The following SLIT3 variants were observed in gnomAD, a reference collection of about 807,000 sequenced individuals.
SLIT3 encodes slit homolog 3 protein.
In SLIT3, 68 loss-of-function variants were observed where a neutral mutation model predicts 184.0. The observed-to-expected ratio is 0.37, with a 90% CI of 0.30 to 0.45. SLIT3 has a LOEUF of 0.45. Ranked by LOEUF, SLIT3 falls within the 20% of genes least tolerant of loss-of-function variation. SLIT3 has a pLI of 1.00. For missense variants in SLIT3, 1,707 were observed against 2,026.0 expected, an observed-to-expected ratio of 0.84 and a Z score of 3.02; for synonymous variants, 831 against 828.6, an observed-to-expected ratio of 1.00 and a Z score of -0.05.
intron 4 of SLIT3, among the ~76,000 whole-genome samples, chr5:168,957,514 C>G (rs1762866357): frequency 6.6e-6 from 1 of 152,166 alleles, no homozygotes; most frequent in Non-Finnish European, 1.5e-5. Flanking sequence ...TATAGGAGGT[C>G]TGGGGTGAGG....
chr5:168,745,481 G>T (rs2113444320), intron 20 of SLIT3, among the ~76,000 whole-genome samples: 1 of 151,096 alleles, frequency 6.6e-6, no homozygotes, highest in Non-Finnish European at 1.5e-5. Context: ...GCACGATCTT[G>T]GCTCACTGCA....
At chr5:168,875,855 C>T (rs540119298) in intron 5 of SLIT3, among the ~76,000 whole-genome samples, 27 of 152,070 alleles carry the variant, frequency 1.8e-4, no homozygotes, top group Non-Finnish European at 3.4e-4. Context: ...CTTTAGATAG[C>T]ATTTTTAGGT....
At chr5:168,836,935 T>G (rs749998165) in intron 6 of SLIT3, among the ~76,000 whole-genome samples, 25 of 152,062 alleles carry the variant, frequency 1.6e-4, no homozygotes, top group Non-Finnish European at 3.2e-4. Context: ...AAGGTGAAAG[T>G]GCTACTTACT....
intron 4 of SLIT3, among the ~76,000 whole-genome samples, chr5:169,016,941 C>T (rs1311772367): frequency 6.6e-6 from 1 of 152,104 alleles, no homozygotes; most frequent in Non-Finnish European, 1.5e-5. Context: ...ACAGACTGAT[C>T]CCAGGTCACA....
At chr5:168,923,516 CTT>C (rs35732966) in intron 4 of SLIT3, among the ~76,000 whole-genome samples, 13,917 of 134,036 alleles carry the variant, frequency 0.1, 579 homozygotes, top group Non-Finnish European at 0.12. Flanking sequence ...TCCTAAATAT[CTT>C]TTTTTTTTTT....
At position 169,176,817 on chromosome 5, in the gene SLIT3, G is replaced by A. The variant is rs891948499; in HGVS notation, c.413+16662C>T. ...TGGCTCACAGGCTGTAGTCTGCCCA[G>A]GCTTGGGTTTGGAGCTGGTGAAGAA... On this transcript the variant is annotated intron_variant, in intron 4 of 35. Coordinates refer to ENST00000519560, the MANE Select transcript of SLIT3 (RefSeq NM_003062.4). Among the ~76,000 whole-genome samples the A allele has an allele frequency of 2.0e-5, 3 of 152,176 alleles. No homozygotes were observed. In the East Asian group the frequency reaches 5.8e-4, roughly 29 times the overall value.
chr5:168,972,948 T>G lies in SLIT3; in HGVS notation c.414-89612A>C, dbSNP rs548897493. Among the ~76,000 whole-genome samples, 26 of 152,316 alleles carry G rather than the reference T, an allele frequency of 1.7e-4. No individual in the cohort carries two copies. In the South Asian group the frequency reaches 3.1e-3, roughly 18 times the overall value. Reference sequence around the variant, plus strand: ...CATGGATTCTTTTCCTCTTTAGGTGTAAGTTCCTGGTAAAAGCAGAGATGA... The same window carrying G: ...CATGGATTCTTTTCCTCTTTAGGTGGAAGTTCCTGGTAAAAGCAGAGATGA... On this transcript the variant is annotated intron_variant, in intron 4 of 35. Coordinates refer to ENST00000519560, the MANE Select transcript of SLIT3 (RefSeq NM_003062.4).
intron 4 of SLIT3, among the ~76,000 whole-genome samples, chr5:169,124,818 G>C (rs1316447618): frequency 6.6e-6 from 1 of 151,444 alleles, no homozygotes; most frequent in South Asian, 2.1e-4. Context: ...GTATTGTGCT[G>C]TACCTTCTAC....
chr5:169,123,982 A>G (rs1446645202), intron 4 of SLIT3, among the ~76,000 whole-genome samples: 1 of 152,152 alleles, frequency 6.6e-6, no homozygotes, highest in Non-Finnish European at 1.5e-5. Context: ...CACCACAACC[A>G]TGCTCCTGCT....
rs896310229 is a variant in SLIT3 at position 168,662,939 on chromosome 5, G to A, written c.*3515C>T. 6.6e-6 allele frequency: 1 copy of A among 152,226 alleles called. No individual in the cohort carries two copies. The highest frequency in any genetic ancestry group is 2.4e-5 in the African/African-American group (1 of 41,452). 9.4% of individuals were successfully genotyped at this position (152,226 alleles called of 1,614,324 possible). The stretch of plus-strand genomic sequence containing the variant: ...TCATTTGTTAGAGGAGCCTCATTTC[G>A]GGGAGAATTTTCTTAATGGTCCTTG... On this transcript the variant is annotated 3_prime_UTR_variant, in exon 36 of 36. Transcript: ENST00000519560.
intron 4 of SLIT3, among the ~76,000 whole-genome samples, chr5:169,110,118 G>T (rs1184102855): frequency 6.6e-6 from 1 of 152,134 alleles, no homozygotes; most frequent in Non-Finnish European, 1.5e-5. Flanking sequence ...AAAGTGCTGG[G>T]ATTACAGGTG....
chr5:169,173,087 C>A lies in SLIT3; in HGVS notation c.413+20392G>T, dbSNP rs532991587. On this transcript the variant is annotated intron_variant, in intron 4 of 35. Transcript: ENST00000519560. ...GACCAGGCTGACTAACATGATGAAACCCCGTCTCTACTAAAAATACAAAAT... is the reference window on the plus strand; with the variant it reads ...GACCAGGCTGACTAACATGATGAAAACCCGTCTCTACTAAAAATACAAAAT... Among the ~76,000 whole-genome samples the A allele has an allele frequency of 2.0e-5, 3 of 152,234 alleles. No homozygotes were observed. The East Asian group carries it at 5.8e-4, about 29-fold the overall frequency.
intron 4 of SLIT3, among the ~76,000 whole-genome samples, chr5:169,041,518 A>G (rs1333630097): frequency 6.6e-6 from 1 of 152,188 alleles, no homozygotes; most frequent in Non-Finnish European, 1.5e-5. Flanking sequence ...TGTCCATTAC[A>G]TTTACAGCGC....
chr5:169,072,819 G>C (rs1758602370), intron 4 of SLIT3, among the ~76,000 whole-genome samples: 1 of 152,132 alleles, frequency 6.6e-6, no homozygotes, highest in African/African-American at 2.4e-5. Flanking sequence ...AGCTCTTCCT[G>C]CCACCTTTAG....
intron 4 of SLIT3, among the ~76,000 whole-genome samples, chr5:169,115,468 C>A (rs1239950116): frequency 3.9e-5 from 6 of 152,040 alleles, no homozygotes; most frequent in East Asian, 3.9e-4. Context: ...TTATGATAAC[C>A]CTGGGCAGTA....
chr5:169,049,561 C>T lies in SLIT3; in HGVS notation c.413+143918G>A, dbSNP rs554372248. Among the ~76,000 whole-genome samples the T allele has an allele frequency of 2.6e-5, 4 of 152,304 alleles. No homozygotes were observed. The South Asian group carries it at 6.2e-4, about 24-fold the overall frequency. On this transcript the variant is annotated intron_variant, in intron 4 of 35. Transcript: ENST00000519560. ...AAAGAATTATCTGAAATGTAGAGAG[C>T]GCTGTAATTTTTCAAATAGTCAGGA...
intron 1 of SLIT3, among the ~76,000 whole-genome samples, chr5:169,254,551 C>A (rs1015736070): frequency 2.6e-5 from 4 of 152,034 alleles, no homozygotes; most frequent in African/African-American, 9.7e-5. Flanking sequence ...TGAACTTGAG[C>A]AGGCTTTGAG....
chr5:169,062,193 A>T (rs9313443), intron 4 of SLIT3, among the ~76,000 whole-genome samples: 2 of 152,136 alleles, frequency 1.3e-5, no homozygotes, highest in Admixed American at 6.5e-5. Flanking sequence ...CAGCAAAAAA[A>T]TAAATACATA....
At chr5:168,766,776 A>T (rs17070443) in intron 14 of SLIT3, among the ~76,000 whole-genome samples, 16,597 of 152,170 alleles carry the variant, frequency 0.11, 1,000 homozygotes, top group African/African-American at 0.16. Context: ...AGGCTCGAGG[A>T]TTTGCTCTGT....
Sources: gnomAD v4.1 joint callset for allele counts (sites outside exome capture counted in the v4.1 genomes callset) on GRCh38, gnomAD v4.1.1 for gene constraint, MANE v1.5 for transcripts, NCBI Gene and HGNC (gene_info 2026-07-23, HGNC 2026-07-21) for gene names.